The following ABI2 variants were observed in gnomAD, a reference collection of about 807,000 sequenced individuals.
ABI2 encodes the protein abelson interactor 2.
ABI2 carries 25 observed loss-of-function variants against 59.2 expected under a neutral mutation model. The ratio of observed to expected loss-of-function variants is 0.42; its 90% CI spans 0.31 to 0.59. The LOEUF (loss-of-function observed/expected upper bound fraction) is 0.59. ABI2 is among the 20% of genes least tolerant of loss of function. The probability of loss-of-function intolerance (pLI) is 0.14; values close to 1 mark genes in which losing one functional copy is unlikely to be tolerated. For synonymous variants in ABI2, 213 were observed against 235.5 expected (o/e 0.90, Z 0.87); for missense variants, 545 against 681.8 (o/e 0.80, Z 2.23).
In ABI2 at chr2:203,411,286, A is replaced by G. The variant is rs767233160; in HGVS notation, c.1194A>G (p.Val398=). The G allele has an allele frequency of 1.9e-6, 3 of 1,613,298 alleles. No homozygotes were observed. In the South Asian group the frequency reaches 3.3e-5, roughly 18 times the overall value. Residue 398 remains valine, a splice_region_variant and synonymous_variant, in exon 10 of 12, where the codon GTA becomes GTG. Coordinates refer to ENST00000261018, the MANE Select transcript of ABI2 (RefSeq NM_001375670.1). The stretch of plus-strand genomic sequence containing the variant: ...TCCACACCTTTTTTGTTTTTGCAGT[A>G]TCTCTTGCTCCTCCTCCTCCCTCCA... The part of the protein sequence containing the change: ...NGGPFYSQNP[V]SLAPPPPSIL...
chr2:203,419,060 C>T (rs2153561225), intron 11 of ABI2, among the ~76,000 whole-genome samples: 1 of 151,850 alleles, frequency 6.6e-6, no homozygotes, highest in East Asian at 1.9e-4. Flanking sequence ...AAAATGTCAA[C>T]CCAGTGTTCT....
intron 1 of ABI2, among the ~76,000 whole-genome samples, chr2:203,337,342 A>G (rs184542881): frequency 5.3e-5 from 8 of 152,364 alleles, no homozygotes; most frequent in Admixed American, 1.3e-4. Flanking sequence ...TTGTGTTTCT[A>G]CATATTAACT....
chr2:203,380,167 A>T, intron 2 of ABI2, 41 bp from the exon 3 acceptor site: 1 of 1,305,340 alleles, frequency 7.7e-7, no homozygotes, highest in East Asian at 2.5e-5. Context: ...GGATATTAGA[A>T]CTATACATTT....
intron 2 of ABI2, among the ~76,000 whole-genome samples, chr2:203,370,856 T>G (rs1196220791): frequency 1.3e-5 from 2 of 152,190 alleles, no homozygotes; most frequent in Non-Finnish European, 2.9e-5. Flanking sequence ...TTAGGACTAG[T>G]AGATACTAGT....
intron 1 of ABI2, among the ~76,000 whole-genome samples, chr2:203,335,076 T>C (rs1337901160): frequency 6.6e-6 from 1 of 152,172 alleles, no homozygotes; most frequent in Non-Finnish European, 1.5e-5. Flanking sequence ...ATTTACTTTG[T>C]GTTTCCTTCC....
At chr2:203,422,936 G>A (rs1276713604) in intron 11 of ABI2, among the ~76,000 whole-genome samples, 3 of 152,132 alleles carry the variant, frequency 2.0e-5, no homozygotes, top group Non-Finnish European at 4.4e-5. Context: ...GGCTTAGGAT[G>A]AACTTTTTTC....
At chr2:203,337,394 C>T (rs1038565063) in intron 1 of ABI2, among the ~76,000 whole-genome samples, 10 of 152,120 alleles carry the variant, frequency 6.6e-5, no homozygotes, top group African/African-American at 2.4e-4. Context: ...CCATTTATAA[C>T]AGCAGAAAGA....
intron 8 of ABI2, among the ~76,000 whole-genome samples, chr2:203,398,604 G>A (rs2097100320): frequency 6.6e-6 from 1 of 152,078 alleles, no homozygotes; most frequent in Non-Finnish European, 1.5e-5. Context: ...ATATATGTTT[G>A]TGAGTTTTGG....
At chr2:203,369,592 G>A (rs4261696) in intron 2 of ABI2, among the ~76,000 whole-genome samples, 147,963 of 152,282 alleles carry the variant, frequency 0.97, 71,890 homozygotes, top group Middle Eastern at 0.99. Context: ...AATTAATGCT[G>A]TCTTTTAAAG....
chr2:203,378,932 T>C (rs1408603477), intron 2 of ABI2, among the ~76,000 whole-genome samples: 1 of 152,214 alleles, frequency 6.6e-6, no homozygotes, highest in African/African-American at 2.4e-5. Context: ...CAAGAAACAG[T>C]ATTTTACCTT....
chr2:203,411,246 C>A, intron 9 of ABI2, 39 bp from the exon 10 acceptor site: 2 of 1,463,074 alleles, frequency 1.4e-6, no homozygotes, highest in Non-Finnish European at 1.9e-6. Flanking sequence ...TGTAACTCGC[C>A]CTTATCCCTT....
intron 8 of ABI2, among the ~76,000 whole-genome samples, chr2:203,398,349 A>C (rs2097091404): frequency 6.6e-6 from 1 of 152,172 alleles, no homozygotes; most frequent in Non-Finnish European, 1.5e-5. Context: ...CCCCCAACTG[A>C]GAGTCTATGT....
chr2:203,337,296 A>C (rs1026666086), intron 1 of ABI2, among the ~76,000 whole-genome samples: 3 of 152,246 alleles, frequency 2.0e-5, no homozygotes, highest in Non-Finnish European at 2.9e-5. Context: ...GAATTTAGTA[A>C]AGTTGTAGGA....
chr2:203,345,037 G>T lies in ABI2; in HGVS notation c.117+16406G>T, dbSNP rs560768350. On this transcript the variant is annotated intron_variant, in intron 1 of 11. Transcript: ENST00000261018. ...AAGGGAATAAAAGCTGGCTGCCGGAGCCCGCAGTGGCAACCCGCCGGGGTC... is the reference window on the plus strand; with the variant it reads ...AAGGGAATAAAAGCTGGCTGCCGGATCCCGCAGTGGCAACCCGCCGGGGTC... 4.4e-3 allele frequency among the ~76,000 whole-genome samples: 670 copies of T among 152,270 alleles called. 2 individuals carry two copies. The highest frequency in any genetic ancestry group is 6.3e-3 in the Non-Finnish European group (426 of 68,016).
chr2:203,372,477 G>C (rs2095313396), intron 2 of ABI2, among the ~76,000 whole-genome samples: 1 of 152,104 alleles, frequency 6.6e-6, no homozygotes, highest in Non-Finnish European at 1.5e-5. Flanking sequence ...GCCGGGCAGA[G>C]GGGCTCCTCA....
intron 4 of ABI2, among the ~76,000 whole-genome samples, chr2:203,388,576 G>A (rs2096622657): frequency 6.6e-6 from 1 of 152,056 alleles, no homozygotes; most frequent in African/African-American, 2.4e-5. Flanking sequence ...AGCTACTCGG[G>A]AGGCTGAGTC....
At chr2:203,395,045 T>A (rs2096916510) in intron 6 of ABI2, 199 bp downstream of exon 6, 2 of 735,044 alleles carry the variant, frequency 2.7e-6, no homozygotes, top group Non-Finnish European at 4.8e-6. Context: ...AGAACAGACA[T>A]CTCAAAGTGC....
intron 1 of ABI2, among the ~76,000 whole-genome samples, chr2:203,346,065 G>A (rs909581877): frequency 1.3e-5 from 2 of 151,130 alleles, no homozygotes; most frequent in African/African-American, 2.4e-5. Context: ...CAGGAGAATC[G>A]CTTGAACTGG....
chr2:203,379,291 A>G (rs35331844), intron 2 of ABI2, among the ~76,000 whole-genome samples: 26 of 152,206 alleles, frequency 1.7e-4, no homozygotes, highest in South Asian at 4.1e-4. Context: ...TCTGTCACCC[A>G]GGCTAGAGTG....
Sources: allele counts gnomAD v4.1 joint callset (sites outside exome capture counted in the v4.1 genomes callset), GRCh38; gene constraint gnomAD v4.1.1; transcripts MANE v1.5; gene names NCBI Gene and HGNC (gene_info 2026-07-23, HGNC 2026-07-21).